SYNE1: variants seen among roughly 807,000 people sequenced by gnomAD.
The protein encoded by SYNE1 is spectrin repeat containing nuclear envelope protein 1, also known as nesprin-1.
SYNE1 carries 616 observed loss-of-function variants against 1,111.0 expected under a neutral mutation model. That is an observed-to-expected ratio of 0.55 (90% CI 0.52 to 0.59). The LOEUF is 0.59. Ranked by LOEUF, SYNE1 falls within the 20% of genes least tolerant of loss-of-function variation. SYNE1 has a pLI of 0.00. For synonymous variants in SYNE1, 3,855 were observed against 3,825.8 expected (o/e 1.01, Z -0.28); for missense variants, 10,006 against 10,417.0 (o/e 0.96, Z 1.72).
At chr6:152,424,349 T>G (rs1170537400) in intron 39 of SYNE1, among the ~76,000 whole-genome samples, 1 of 152,260 alleles carries the variant, frequency 6.6e-6, no homozygotes. Flanking sequence ...TTCAATGCCT[T>G]CACACATTGG....
At chr6:152,451,657 C>A (rs1056629684) in intron 25 of SYNE1, among the ~76,000 whole-genome samples, 4 of 151,428 alleles carry the variant, frequency 2.6e-5, no homozygotes. Flanking sequence ...ACTTTTTGTA[C>A]ATTTAGTTGA....
At chr6:152,492,434 A>G (rs2098975821) in intron 11 of SYNE1, among the ~76,000 whole-genome samples, 1 of 152,160 alleles carries the variant, frequency 6.6e-6, no homozygotes, top group East Asian at 1.9e-4. Context: ...AAATACCTAA[A>G]CCACAGTGGC....
chr6:152,178,570 T>G (rs575185933), intron 129 of SYNE1, among the ~76,000 whole-genome samples: 13 of 152,388 alleles, frequency 8.5e-5, no homozygotes, highest in African/African-American at 3.1e-4. Context: ...TTGGATGTTT[T>G]AATTTTCTAT....
chr6:152,124,884 G>A (rs2052809082), intron 145 of SYNE1, among the ~76,000 whole-genome samples: 1 of 152,130 alleles, frequency 6.6e-6, no homozygotes, highest in Admixed American at 6.6e-5. Flanking sequence ...GACAGTTCAT[G>A]TTTACTCTTC....
chr6:152,397,825 A>T (rs1002550233), intron 49 of SYNE1, among the ~76,000 whole-genome samples: 3 of 151,968 alleles, frequency 2.0e-5, no homozygotes, highest in African/African-American at 7.3e-5. Context: ...ACATGGTGAA[A>T]CCTCGTCTCT....
At position 152,613,793 on chromosome 6, in the gene SYNE1, G is replaced by A. The variant is rs561193010; in HGVS notation, c.67+14472C>T. 8.3e-5 allele frequency among the ~76,000 whole-genome samples: 12 copies of A among 144,146 alleles called. No homozygotes were observed. In the South Asian group the frequency reaches 2.7e-3, roughly 33 times the overall value. The allele number at this position is 144,146 out of a possible 152,430, so 94.6% of individuals were successfully genotyped here. A position where few individuals can be genotyped will look rare whatever the true frequency, so the allele number is the denominator to read the frequency against. ...GTACTGGTACCAAAACAGATATATAGAGCAATGGAACAGAACAGAGCCCTC... is the reference window on the plus strand; with the variant it reads ...GTACTGGTACCAAAACAGATATATAAAGCAATGGAACAGAACAGAGCCCTC... On this transcript the variant is annotated intron_variant, in intron 3 of 145. Transcript: ENST00000367255.
At chr6:152,335,243 T>C (rs1390923663) in intron 76 of SYNE1, 2 of 152,190 alleles carry the variant, frequency 1.3e-5, no homozygotes, top group Non-Finnish European at 1.5e-5. Context: ...TCCTTAAAGC[T>C]AGGTTCAATC....
intron 49 of SYNE1, 25 bp from the exon 50 acceptor site, chr6:152,397,005 G>C: frequency 6.2e-7 from 1 of 1,607,478 alleles, no homozygotes; most frequent in Non-Finnish European, 8.5e-7. Flanking sequence ...AAAGGTAATA[G>C]GTCCATGGGA....
chr6:152,625,968 C>T (rs1481087622), intron 3 of SYNE1, among the ~76,000 whole-genome samples: 1 of 152,158 alleles, frequency 6.6e-6, no homozygotes, highest in African/African-American at 2.4e-5. Context: ...GCAAATGGGG[C>T]ACCTAGACAC....
intron 56 of SYNE1, among the ~76,000 whole-genome samples, chr6:152,380,800 T>C (rs1299420691): frequency 6.6e-6 from 1 of 152,114 alleles, no homozygotes; most frequent in East Asian, 1.9e-4. Context: ...CTACCGCAAA[T>C]AATAACCCAA....
At chr6:152,288,955 C>A (rs2094455363) in intron 95 of SYNE1, among the ~76,000 whole-genome samples, 1 of 152,150 alleles carries the variant, frequency 6.6e-6, no homozygotes, top group Non-Finnish European at 1.5e-5. Flanking sequence ...CAAGATCTAG[C>A]AGCCAGGCTC....
chr6:152,590,357 G>GA lies in SYNE1; in HGVS notation c.67+37907dup, dbSNP rs554920024. Among the ~76,000 whole-genome samples the GA allele has an allele frequency of 1.1e-4, 17 of 149,532 alleles. No individual in the cohort carries two copies. The South Asian group carries it at 1.5e-3, about 13-fold the overall frequency. ...CATTTAAATTAAGACATGTATGAGA[G>GA]AAAATCCATTTTTTTTTCTGGAATA... On this transcript the variant is annotated intron_variant, in intron 3 of 145. Transcript: ENST00000367255.
chr6:152,516,475 A>T (rs952902499), intron 6 of SYNE1, among the ~76,000 whole-genome samples: 1 of 152,198 alleles, frequency 6.6e-6, no homozygotes, highest in Non-Finnish European at 1.5e-5. Context: ...AATAAGAGGA[A>T]TTTTGTTTTT....
In SYNE1 at chr6:152,441,231, CTTTG is replaced by C. The variant is rs2098527248; in HGVS notation, c.4044_4047del (p.Asn1348LysfsTer4). The C allele has an allele frequency of 1.2e-6, 2 of 1,611,452 alleles. No individual in the cohort carries two copies. Among genetic ancestry groups the C allele is most frequent in the Non-Finnish European group, 1.7e-6 (2 of 1,178,338 alleles). On this transcript the variant is annotated frameshift_variant, in exon 32 of 146. Transcript: ENST00000367255. LOFTEE classifies it high-confidence loss of function. ...TGAAAAAGGTATCTTACTACTGTTT[CTTTG>C]TTTGTTTCAAATCGCTCCCATTTTC...
At chr6:152,356,116 A>G (rs1563313822) in intron 66 of SYNE1, among the ~76,000 whole-genome samples, 1 of 152,072 alleles carries the variant, frequency 6.6e-6, no homozygotes, top group Non-Finnish European at 1.5e-5. Flanking sequence ...AACTTTTTCT[A>G]TGAAAGGCCT....
chr6:152,471,586 G>T lies in SYNE1; in HGVS notation c.1632+11C>A. 6.2e-7 allele frequency: 1 copy of T among 1,613,208 alleles called. No homozygotes were observed. The highest frequency in any genetic ancestry group is 1.3e-5 in the African/African-American group (1 of 74,982). ...TCATAGGAATTCTCTGTCAAAGCAC[G>T]GGGGACTCACCACGTAGTTTTGTAG... On this transcript the variant is annotated intron_variant, in intron 16 of 145. Coordinates refer to ENST00000367255, the MANE Select transcript of SYNE1 (RefSeq NM_182961.4).
chr6:152,241,019 C>T (rs2085505753), intron 107 of SYNE1, among the ~76,000 whole-genome samples: 1 of 152,198 alleles, frequency 6.6e-6, no homozygotes, highest in Non-Finnish European at 1.5e-5. Flanking sequence ...TTTACAAGCC[C>T]ATCTCCCCTA....
chr6:152,518,873 GGAGA>G (rs35491464), intron 6 of SYNE1, among the ~76,000 whole-genome samples: 1 of 149,048 alleles, frequency 6.7e-6, no homozygotes, highest in Non-Finnish European at 1.5e-5. Context: ...GAGAGAGAGA[GGAGA>G]GAGAGAGAAG....
intron 55 of SYNE1, among the ~76,000 whole-genome samples, chr6:152,383,907 C>T (rs1345787758): frequency 6.6e-6 from 1 of 152,170 alleles, no homozygotes; most frequent in African/African-American, 2.4e-5. Flanking sequence ...CCTCCGCATG[C>T]AATTATTTTC....
Sources: gnomAD v4.1 joint callset for allele counts (sites outside exome capture counted in the v4.1 genomes callset) on GRCh38, gnomAD v4.1.1 for gene constraint, MANE v1.5 for transcripts, NCBI Gene and HGNC (gene_info 2026-07-23, HGNC 2026-07-21) for gene names.